The following TRAPPC9 variants were observed in gnomAD, a reference collection of about 807,000 sequenced individuals.
The protein encoded by TRAPPC9 is IKK2 binding protein.
In TRAPPC9, 83 loss-of-function variants were observed where a neutral mutation model predicts 124.0. That is an observed-to-expected ratio of 0.67 (90% CI 0.56 to 0.80). The LOEUF (loss-of-function observed/expected upper bound fraction) is 0.80, where lower values mean the gene tolerates loss of function less well. Ranked by LOEUF, TRAPPC9 falls within the 30% of genes least tolerant of loss-of-function variation. TRAPPC9 has a pLI of 0.00. For synonymous variants in TRAPPC9, 638 were observed against 617.5 expected (o/e 1.03, Z -0.49); for missense variants, 1,302 against 1,508.3 (o/e 0.86, Z 2.27).
chr8:139,934,473 T>C (rs980966057), intron 19 of TRAPPC9, among the ~76,000 whole-genome samples: 2 of 152,202 alleles, frequency 1.3e-5, no homozygotes, highest in East Asian at 3.8e-4. Context: ...ATTCTTCCAA[T>C]CTCTTGTAGG....
At chr8:140,051,477 G>A (rs1376257806) in intron 17 of TRAPPC9, among the ~76,000 whole-genome samples, 1 of 151,748 alleles carries the variant, frequency 6.6e-6, no homozygotes, top group Non-Finnish European at 1.5e-5. Flanking sequence ...TCCCTTTCCT[G>A]ACACAGAAGA....
At chr8:140,343,949 G>A (rs546835651) in intron 9 of TRAPPC9, among the ~76,000 whole-genome samples, 55 of 152,302 alleles carry the variant, frequency 3.6e-4, no homozygotes, top group African/African-American at 1.3e-3. Flanking sequence ...TTCCCAAGCC[G>A]AGACAGAGTG....
intron 21 of TRAPPC9, among the ~76,000 whole-genome samples, chr8:139,784,660 C>T (rs1197364571): frequency 8.7e-6 from 1 of 115,422 alleles, no homozygotes; most frequent in Admixed American, 8.7e-5. Context: ...AACTGCATTT[C>T]CATATAGTAA....
chr8:139,957,977 C>T (rs1052868971), intron 19 of TRAPPC9, among the ~76,000 whole-genome samples: 1 of 152,232 alleles, frequency 6.6e-6, no homozygotes, highest in Non-Finnish European at 1.5e-5. Flanking sequence ...GAGAGGCTCC[C>T]TGAACAAAAA....
At chr8:140,304,936 T>C (rs2066083253) in intron 10 of TRAPPC9, among the ~76,000 whole-genome samples, 2 of 152,096 alleles carry the variant, frequency 1.3e-5, no homozygotes, top group African/African-American at 4.8e-5. Context: ...ATGCCCTCAG[T>C]GTGCGTTACC....
At chr8:140,096,417 A>G (rs1844950599) in intron 17 of TRAPPC9, 1 of 152,264 alleles carries the variant, frequency 6.6e-6, no homozygotes, top group South Asian at 2.1e-4. Context: ...AACAGACTGC[A>G]GACAGAAAAG....
intron 17 of TRAPPC9, among the ~76,000 whole-genome samples, chr8:140,217,720 T>C (rs890527890): frequency 7.2e-5 from 11 of 152,120 alleles, no homozygotes; most frequent in Non-Finnish European, 1.6e-4. Flanking sequence ...GCTAGTATAT[T>C]CAATGCCATG....
intron 21 of TRAPPC9, among the ~76,000 whole-genome samples, chr8:139,867,406 T>C (rs1828616239): frequency 6.6e-6 from 1 of 152,172 alleles, no homozygotes; most frequent in Admixed American, 6.5e-5. Flanking sequence ...CATACAAATA[T>C]AAATAAGCAC....
chr8:140,242,815 G>C (rs1207505850), intron 16 of TRAPPC9, among the ~76,000 whole-genome samples: 1 of 152,218 alleles, frequency 6.6e-6, no homozygotes, highest in Non-Finnish European at 1.5e-5. Context: ...GGCCAGGGGA[G>C]GGAAGCTCCC....
chr8:140,224,068 T>C (rs1242021458), intron 16 of TRAPPC9, among the ~76,000 whole-genome samples: 2 of 152,168 alleles, frequency 1.3e-5, no homozygotes, highest in African/African-American at 4.8e-5. Context: ...ATCAAGCACT[T>C]AAGAGCAGGG....
chr8:140,141,689 A>T lies in TRAPPC9; in HGVS notation c.2556+79770T>A, dbSNP rs1350956813. 3.3e-5 allele frequency among the ~76,000 whole-genome samples: 5 copies of T among 152,242 alleles called. No homozygotes were observed. The East Asian group carries it at 9.6e-4, about 29-fold the overall frequency. On this transcript the variant is annotated intron_variant, in intron 17 of 22. Transcript: ENST00000438773. The stretch of plus-strand genomic sequence containing the variant: ...TGATTTTTAAAATCAATAAGTTGCT[A>T]AATGAGAGAAATCATATGCAGTGAA...
intron 16 of TRAPPC9, among the ~76,000 whole-genome samples, chr8:140,229,240 GTTTTCT>G: frequency 8.4e-6 from 1 of 118,746 alleles, no homozygotes; most frequent in African/African-American, 3.5e-5. Context: ...AATTCCGTAT[GTTTTCT>G]TTTTCTTTTT....
rs549193624 is a variant in TRAPPC9 at position 140,075,437 on chromosome 8, T to C, written c.2557-51358A>G. ...ATGTCAGACCTCAACTCTGTCATTA[T>C]GGACAAAGTCCCCACATCCCTCTCC... On this transcript the variant is annotated intron_variant, in intron 17 of 22. Transcript: ENST00000438773. 5.9e-5 allele frequency among the ~76,000 whole-genome samples: 9 copies of C among 152,332 alleles called. No homozygotes were observed. The East Asian group carries it at 1.4e-3, about 23-fold the overall frequency.
At chr8:140,049,750 C>G (rs536397161) in intron 17 of TRAPPC9, among the ~76,000 whole-genome samples, 6 of 152,142 alleles carry the variant, frequency 3.9e-5, no homozygotes, top group Non-Finnish European at 7.3e-5. Context: ...CCTTCCTGAG[C>G]GTCTGTATCC....
intron 20 of TRAPPC9, among the ~76,000 whole-genome samples, chr8:139,908,009 G>A (rs1831471731): frequency 6.6e-6 from 1 of 152,192 alleles, no homozygotes. Flanking sequence ...GCCGACAAGG[G>A]TGACGTGGCC....
chr8:140,101,383 G>A (rs976009048), intron 17 of TRAPPC9, among the ~76,000 whole-genome samples: 44 of 151,396 alleles, frequency 2.9e-4, no homozygotes, highest in Middle Eastern at 3.5e-3. Flanking sequence ...TGATCCACCC[G>A]CCTCTGCCTC....
In TRAPPC9 at chr8:139,731,980, G is replaced by A. The variant is rs750167029; in HGVS notation, c.3278C>T (p.Ala1093Val). The A allele has an allele frequency of 3.6e-5, 56 of 1,574,998 alleles. 1 individual carries two copies. The highest frequency in any genetic ancestry group is 1.7e-4 in the South Asian group (15 of 85,876). Residue 1093 changes from alanine (A) to valine (V), a missense_variant and splice_region_variant, in exon 22 of 23, where the codon GCG (alanine) becomes GTG (valine). Ala to Val is a moderately conservative substitution (Grantham distance 64, BLOSUM62 0). Transcript: ENST00000438773. ...FVGSSTFYLD[A>V]VQPSGQSACL... ...ACCGCCTTGCACACCACCACGCACC[G>A]CGTCGAGGTAGAAGGTGCTGGAGCC...
intron 18 of TRAPPC9, among the ~76,000 whole-genome samples, chr8:140,008,959 A>C (rs10108751): frequency 0.19 from 28,405 of 152,124 alleles, 3,056 homozygotes; most frequent in African/African-American, 0.3. Flanking sequence ...TGAATCTATC[A>C]TTGTTTCAAA....
At position 140,221,478 on chromosome 8, in the gene TRAPPC9, C is replaced by G. The variant is rs889682806; in HGVS notation, c.2537G>C (p.Gly846Ala). The G allele has an allele frequency of 1.9e-6, 3 of 1,614,152 alleles. No homozygotes were observed. Among genetic ancestry groups the G allele is most frequent in the Non-Finnish European group, 2.5e-6 (3 of 1,180,008 alleles). Reference protein sequence around the residue: ...PVNPPESNKAGDYSHVKTLEA... With the variant: ...PVNPPESNKAADYSHVKTLEA... ...ACTCACCTTCACGTGGCTGTAGTCG[C>G]CTGCTTTGTTGCTCTCGGGTGGGTT... The change falls in exon 17 of 23, where the codon GGC becomes GCC. Residue 846 changes from glycine to alanine, a missense_variant. Physicochemically the swap from Gly to Ala is moderately conservative, Grantham distance 60. Coordinates refer to ENST00000438773, the MANE Select transcript of TRAPPC9 (RefSeq NM_001160372.4).
Sources: gnomAD v4.1 joint callset for allele counts (sites outside exome capture counted in the v4.1 genomes callset) on GRCh38, gnomAD v4.1.1 for gene constraint, MANE v1.5 for transcripts, NCBI Gene and HGNC (gene_info 2026-07-23, HGNC 2026-07-21) for gene names.